UBE2F: variants seen among roughly 807,000 people sequenced by gnomAD.
UBE2F encodes NEDD8-conjugating enzyme UBE2F.
A neutral mutation model predicts 29.6 loss-of-function variants in UBE2F; 5 were observed. The observed-to-expected ratio is 0.17, with a 90% CI of 0.09 to 0.36. The LOEUF (loss-of-function observed/expected upper bound fraction) is 0.36, where lower values mean the gene tolerates loss of function less well. Among genes scored for constraint, UBE2F ranks in the 10% least tolerant of loss-of-function variants. The probability of loss-of-function intolerance (pLI) is 1.00; values close to 1 mark genes in which losing one functional copy is unlikely to be tolerated. For missense variants in UBE2F, 141 were observed against 228.5 expected (o/e 0.62, Z 2.47); for synonymous variants, 66 against 81.8 (o/e 0.81, Z 1.04).
Position 237,982,704 on chromosome 2 carries a change from C to G in UBE2F, c.119-5259C>G, listed in dbSNP as rs2063404068. 6.6e-6 allele frequency among the ~76,000 whole-genome samples: 1 copy of G among 152,198 alleles called. No individual in the cohort carries two copies. The highest frequency in any genetic ancestry group is 2.4e-5 in the African/African-American group (1 of 41,438). On this transcript the variant is annotated intron_variant, in intron 2 of 9. Coordinates refer to ENST00000272930, the MANE Select transcript of UBE2F (RefSeq NM_080678.3). This position sits in a 1 kb window ranked among gnomAD's most constrained non-coding sequence, Gnocchi z 4.1. ...ATACAGAATAAAATGTTAGTATTTG[C>G]TTTAAGATCAAGTTTAATTATATAG...
chr2:238,036,205 C>G lies in UBE2F; in HGVS notation c.507+265C>G, dbSNP rs183873913. On this transcript the variant is annotated intron_variant, in intron 9 of 9. Transcript: ENST00000272930. ...GTTGGTTTTTTGAGACAAGATTTCA[C>G]TCTGTCACCCAGGCTGGAGTGCAGT... 6.0e-3 allele frequency among the ~76,000 whole-genome samples: 909 copies of G among 152,240 alleles called. 15 individuals are homozygous for G. The highest frequency in any genetic ancestry group is 0.021 in the African/African-American group (874 of 41,542).
intron 2 of UBE2F, among the ~76,000 whole-genome samples, chr2:237,981,838 G>C (rs1486884692): frequency 6.6e-6 from 1 of 151,908 alleles, no homozygotes; most frequent in Non-Finnish European, 1.5e-5. Flanking sequence ...CGTTGCCCAG[G>C]CTGGTCTCAA....
At chr2:237,983,360 G>C (rs2063416412) in intron 2 of UBE2F, among the ~76,000 whole-genome samples, 1 of 152,242 alleles carries the variant, frequency 6.6e-6, no homozygotes. Flanking sequence ...AGAGGGAGTG[G>C]CTGTGGGTGG....
chr2:238,025,211 A>G, intron 5 of UBE2F, 131 bp from the exon 6 acceptor site: 2 of 748,426 alleles, frequency 2.7e-6, no homozygotes, highest in South Asian at 3.0e-5. Context: ...ACACGTGTTC[A>G]GCGAGTCAAA....
chr2:237,974,253 G>A (rs1323829204), intron 2 of UBE2F, among the ~76,000 whole-genome samples: 5 of 151,850 alleles, frequency 3.3e-5, no homozygotes, highest in Non-Finnish European at 5.9e-5. Flanking sequence ...CGCCTCCCAG[G>A]TTCAAGCAAT....
chr2:238,020,435 C>T (rs749913900), intron 5 of UBE2F, among the ~76,000 whole-genome samples: 4 of 152,138 alleles, frequency 2.6e-5, no homozygotes, highest in Admixed American at 6.5e-5. Flanking sequence ...GCAGCCAGTG[C>T]GGAGCCTAGG....
intron 4 of UBE2F, among the ~76,000 whole-genome samples, chr2:238,001,798 C>T (rs1394916010): frequency 2.0e-5 from 3 of 151,644 alleles, no homozygotes; most frequent in East Asian, 1.9e-4. Context: ...CCAGCCTGGG[C>T]GACAGAGCAA....
At chr2:238,030,499 G>A in intron 6 of UBE2F, 57 bp from the exon 7 acceptor site, 1 of 1,297,092 alleles carries the variant, frequency 7.7e-7, no homozygotes, top group African/African-American at 1.5e-5. Flanking sequence ...CTAGTTGGCA[G>A]CGTGCAGGGC....
intron 3 of UBE2F, among the ~76,000 whole-genome samples, chr2:237,990,087 C>G (rs952089282): frequency 1.4e-5 from 2 of 139,364 alleles, no homozygotes; most frequent in African/African-American, 5.4e-5. Context: ...CACTGCACTC[C>G]TGGGCGATGG....
intron 2 of UBE2F, among the ~76,000 whole-genome samples, chr2:237,975,375 T>C (rs1253713307): frequency 5.3e-5 from 8 of 152,158 alleles, no homozygotes; most frequent in African/African-American, 1.9e-4. Context: ...CTTCCCAAAG[T>C]GTTGGGATTA....
In UBE2F at chr2:237,978,838, T is replaced by C. The variant is rs895421534; in HGVS notation, c.118+5613T>C. 5.0e-4 allele frequency among the ~76,000 whole-genome samples: 76 copies of C among 152,206 alleles called. 2 individuals are homozygous for C. The highest frequency in any genetic ancestry group is 1.8e-3 in the African/African-American group (76 of 41,458). On this transcript the variant is annotated intron_variant, in intron 2 of 9. Coordinates refer to ENST00000272930, the MANE Select transcript of UBE2F (RefSeq NM_080678.3). ...TGCCAGTGTTGTTGTTGGCATTCCCTGTGAACCTCTGTGTGACTGAGTCCA... is the reference window on the plus strand; with the variant it reads ...TGCCAGTGTTGTTGTTGGCATTCCCCGTGAACCTCTGTGTGACTGAGTCCA...
chr2:238,026,710 G>C (rs1259604329), intron 6 of UBE2F, among the ~76,000 whole-genome samples: 1 of 152,176 alleles, frequency 6.6e-6, no homozygotes, highest in Non-Finnish European at 1.5e-5. Flanking sequence ...TGGGGTTACA[G>C]GTGTGAGCCA....
intron 6 of UBE2F, chr2:238,029,029 C>T (rs2064504467): frequency 6.6e-6 from 1 of 151,802 alleles, no homozygotes; most frequent in Admixed American, 6.6e-5. Flanking sequence ...TCTGTATCAT[C>T]CCAATTTGAG....
chr2:238,024,661 A>G (rs1332279649), intron 5 of UBE2F, among the ~76,000 whole-genome samples: 1 of 152,072 alleles, frequency 6.6e-6, no homozygotes, highest in Non-Finnish European at 1.5e-5. Flanking sequence ...TTCTTCTTTT[A>G]GGTGGCCTCC....
chr2:238,017,423 A>G (rs186214675), intron 5 of UBE2F, among the ~76,000 whole-genome samples: 23 of 152,332 alleles, frequency 1.5e-4, no homozygotes, highest in African/African-American at 5.1e-4. Flanking sequence ...CAACCTGCAG[A>G]AGGCAGATAG....
rs183427333 is a variant in UBE2F, at chr2:237,973,328, C to T, written c.118+103C>T. ...AGCAACCTACTGCTGAATAGAAATA[C>T]CTGTTTAAAAGATTTTAAAATATAA... On this transcript the variant is annotated intron_variant, in intron 2 of 9. Transcript: ENST00000272930. 5.4e-6 allele frequency: 7 copies of T among 1,306,632 alleles called. No individual in the cohort carries two copies. In the African/African-American group the frequency reaches 1.0e-4, roughly 19 times the overall value. The allele number at this position is 1,306,632 out of a possible 1,614,324, so 80.9% of individuals were successfully genotyped here. A position where few individuals can be genotyped will look rare whatever the true frequency, so the allele number is the denominator to read the frequency against.
In UBE2F at chr2:237,967,055, G is replaced by C; in HGVS notation, c.-94G>C. 1 of 1,317,544 alleles carries C rather than the reference G, an allele frequency of 7.6e-7. No individual in the cohort carries two copies. The highest frequency in any genetic ancestry group is 9.7e-7 in the Non-Finnish European group (1 of 1,033,354). The allele number at this position is 1,317,544 out of a possible 1,614,324, so 81.6% of individuals were successfully genotyped here. ...CCGGGAGCCGGTGCGGCTGTGAGGGGCCGCGTCTCGCAGCAGCCGCCCGGA... is the reference window on the plus strand; with the variant it reads ...CCGGGAGCCGGTGCGGCTGTGAGGGCCCGCGTCTCGCAGCAGCCGCCCGGA... On this transcript the variant is annotated 5_prime_UTR_variant, in exon 1 of 10. Coordinates refer to ENST00000272930, the MANE Select transcript of UBE2F (RefSeq NM_080678.3). This position sits in a 1 kb window ranked among gnomAD's most constrained non-coding sequence, Gnocchi z 6.3.
At chr2:238,001,033 C>CT (rs371184007) in intron 4 of UBE2F, among the ~76,000 whole-genome samples, 62,404 of 111,704 alleles carry the variant, frequency 0.56, 19,946 homozygotes, top group African/African-American at 0.82. Flanking sequence ...AGAGTTTTGC[C>CT]TTTTTTTTTT....
rs528450224 is a variant in UBE2F, at chr2:237,973,624, T to C, written c.118+399T>C. On this transcript the variant is annotated intron_variant, in intron 2 of 9. Coordinates refer to ENST00000272930, the MANE Select transcript of UBE2F (RefSeq NM_080678.3). The stretch of plus-strand genomic sequence containing the variant: ...GAAGGAGTCAAATTTTGTAATCTCT[T>C]AGGATCTTTTCCTGTTTTATTCAGG... 15 of 1,268,246 alleles carry C rather than the reference T, an allele frequency of 1.2e-5. No homozygotes were observed. In the South Asian group the frequency reaches 1.8e-4, roughly 15 times the overall value. The allele number at this position is 1,268,246 out of a possible 1,614,324, so 78.6% of individuals were successfully genotyped here. A position where few individuals can be genotyped will look rare whatever the true frequency, so the allele number is the denominator to read the frequency against.
Sources: allele counts gnomAD v4.1 joint callset (sites outside exome capture counted in the v4.1 genomes callset), GRCh38; gene constraint gnomAD v4.1.1; non-coding constraint Gnocchi (gnomAD v3.1); transcripts MANE v1.5; gene names NCBI Gene and HGNC (gene_info 2026-07-23, HGNC 2026-07-21).